RIT2: variants seen among roughly 807,000 people sequenced by gnomAD.
RIT2 encodes the protein GTP-binding protein Rit2.
RIT2 carries 24 observed loss-of-function variants against 23.7 expected under a neutral mutation model. That is an observed-to-expected ratio of 1.01 (90% CI 0.73 to 1.43). The LOEUF (loss-of-function observed/expected upper bound fraction) is 1.43. RIT2 is among the 40% of genes most tolerant of loss of function. The pLI is 0.00. For missense variants in RIT2, 236 were observed against 266.9 expected (o/e 0.88, Z 0.81); for synonymous variants, 107 against 91.1 (o/e 1.17, Z -0.99).
intron 1 of RIT2, among the ~76,000 whole-genome samples, chr18:43,086,565 C>A (rs1913287345): frequency 6.6e-6 from 1 of 152,044 alleles, no homozygotes; most frequent in African/African-American, 2.4e-5. Context: ...CTGTGTATGC[C>A]CCACTGCGGG....
chr18:43,030,572 T>G (rs1222198737), intron 2 of RIT2, among the ~76,000 whole-genome samples: 1 of 152,050 alleles, frequency 6.6e-6, no homozygotes, highest in Non-Finnish European at 1.5e-5. Context: ...TAGTCCAAAT[T>G]TATAGTTTTC....
intron 4 of RIT2, among the ~76,000 whole-genome samples, chr18:42,900,965 A>G (rs1189417291): frequency 6.6e-6 from 1 of 151,590 alleles, no homozygotes; most frequent in Non-Finnish European, 1.5e-5. Context: ...CACGGTTAAA[A>G]TTTTATTTGG....
At chr18:43,106,364 G>A (rs1913822216) in intron 1 of RIT2, among the ~76,000 whole-genome samples, 1 of 152,154 alleles carries the variant, frequency 6.6e-6, no homozygotes, top group South Asian at 2.1e-4. Flanking sequence ...AAGGACTTCT[G>A]ATTCATTCAA....
chr18:42,781,319 A>C (rs1913806543), intron 4 of RIT2, among the ~76,000 whole-genome samples: 1 of 152,146 alleles, frequency 6.6e-6, no homozygotes, highest in Non-Finnish European at 1.5e-5. Flanking sequence ...ATTCTGCTTA[A>C]ATTTCTACAT....
intron 4 of RIT2, among the ~76,000 whole-genome samples, chr18:42,869,486 T>C (rs142693872): frequency 2.6e-5 from 4 of 152,360 alleles, no homozygotes; most frequent in African/African-American, 9.6e-5. Context: ...GCTCAGAGAC[T>C]ACTTGCCTCA....
chr18:42,980,311 A>G (rs553789006), intron 2 of RIT2, among the ~76,000 whole-genome samples: 1 of 152,256 alleles, frequency 6.6e-6, no homozygotes, highest in South Asian at 2.1e-4. Context: ...TTGAGAATTC[A>G]GTACAGTTTA....
At chr18:42,745,822 T>A (rs1160315222) in intron 4 of RIT2, among the ~76,000 whole-genome samples, 2 of 152,160 alleles carry the variant, frequency 1.3e-5, no homozygotes, top group Non-Finnish European at 1.5e-5. Flanking sequence ...CTGTAAGAAT[T>A]TTCCCCACCC....
At chr18:42,893,544 C>T (rs935472160) in intron 4 of RIT2, among the ~76,000 whole-genome samples, 4 of 152,166 alleles carry the variant, frequency 2.6e-5, no homozygotes, top group African/African-American at 9.7e-5. Context: ...CTCAGCTCTT[C>T]ATACTTTTGC....
At chr18:43,070,477 T>C (rs1912872829) in intron 1 of RIT2, among the ~76,000 whole-genome samples, 1 of 152,184 alleles carries the variant, frequency 6.6e-6, no homozygotes, top group Admixed American at 6.6e-5. Context: ...AGTGAGTCCC[T>C]GAGTGCGAAG....
chr18:42,863,046 CCT>C (rs1907371610), intron 4 of RIT2, among the ~76,000 whole-genome samples: 1 of 140,586 alleles, frequency 7.1e-6, no homozygotes, highest in African/African-American at 2.8e-5. Context: ...TTTTTTTTTT[CCT>C]CTGTCTTCAC....
chr18:43,069,911 CT>C (rs1912859738), intron 1 of RIT2, among the ~76,000 whole-genome samples: 1 of 152,072 alleles, frequency 6.6e-6, no homozygotes, highest in Non-Finnish European at 1.5e-5. Flanking sequence ...CTCTCTACCC[CT>C]CTTGTCGTGC....
chr18:42,839,368 A>T (rs1046681112), intron 4 of RIT2, among the ~76,000 whole-genome samples: 10 of 152,186 alleles, frequency 6.6e-5, no homozygotes, highest in Non-Finnish European at 1.5e-5. Flanking sequence ...AATGAGAGGT[A>T]TGGGAATTTC....
At chr18:43,001,387 G>A (rs1031679478) in intron 2 of RIT2, among the ~76,000 whole-genome samples, 1 of 151,876 alleles carries the variant, frequency 6.6e-6, no homozygotes, top group Non-Finnish European at 1.5e-5. Context: ...AAATATTTTA[G>A]CTCTATATAA....
chr18:43,064,341 G>T (rs1912721754), intron 1 of RIT2, among the ~76,000 whole-genome samples: 1 of 152,156 alleles, frequency 6.6e-6, no homozygotes, highest in African/African-American at 2.4e-5. Flanking sequence ...CTTTTCAGAA[G>T]AGAGTTAAGT....
intron 1 of RIT2, among the ~76,000 whole-genome samples, chr18:43,035,821 A>C (rs1223523538): frequency 1.3e-5 from 2 of 152,156 alleles, no homozygotes; most frequent in Non-Finnish European, 2.9e-5. Context: ...TGTATTTTGG[A>C]ACTAAGACCA....
chr18:42,793,704 A>G (rs552152135), intron 4 of RIT2, among the ~76,000 whole-genome samples: 1 of 152,332 alleles, frequency 6.6e-6, no homozygotes, highest in African/African-American at 2.4e-5. Context: ...AAGGGAAAAA[A>G]GACTAAGAAG....
intron 4 of RIT2, among the ~76,000 whole-genome samples, chr18:42,873,134 C>T (rs1907661283): frequency 6.6e-6 from 1 of 152,164 alleles, no homozygotes. Flanking sequence ...GAGACATTTT[C>T]CAAGGGGAAT....
At chr18:42,989,837 C>A (rs1353405154) in intron 2 of RIT2, among the ~76,000 whole-genome samples, 1 of 152,116 alleles carries the variant, frequency 6.6e-6, no homozygotes, top group African/African-American at 2.4e-5. Context: ...TGAATGTCAT[C>A]CCTACTTATG....
rs199713071 is a variant in RIT2 at position 43,019,496 on chromosome 18, C to CA, written c.160+14314dup. On this transcript the variant is annotated intron_variant, in intron 2 of 4. Transcript: ENST00000326695. ...GATAAAATTCAATATCCCTTCATGA[C>CA]AAAAAAAAACCCCAAAAACTAGACA... Among the ~76,000 whole-genome samples, 771 of 149,516 alleles carry CA rather than the reference C, an allele frequency of 5.2e-3. 11 individuals are homozygous for CA. Among genetic ancestry groups the CA allele is most frequent in the African/African-American group, 0.017 (684 of 40,820 alleles).
Sources: gnomAD v4.1 joint callset for allele counts (sites outside exome capture counted in the v4.1 genomes callset) on GRCh38, gnomAD v4.1.1 for gene constraint, MANE v1.5 for transcripts, NCBI Gene and HGNC (gene_info 2026-07-23, HGNC 2026-07-21) for gene names.